Variants in ATP2B2 observed in about 807,000 individuals in gnomAD.
The protein encoded by ATP2B2 is plasma membrane calcium-transporting ATPase 2.
ATP2B2 carries 15 observed loss-of-function variants against 120.0 expected under a neutral mutation model. That is an observed-to-expected ratio of 0.12 (90% CI 0.08 to 0.19). The LOEUF (loss-of-function observed/expected upper bound fraction) is 0.19, where lower values mean the gene tolerates loss of function less well. Among genes scored for constraint, ATP2B2 ranks in the 10% least tolerant of loss-of-function variants. The probability of loss-of-function intolerance (pLI) is 1.00; values close to 1 mark genes in which losing one functional copy is unlikely to be tolerated. For missense variants in ATP2B2, 1,045 were observed against 1,719.8 expected, an observed-to-expected ratio of 0.61 and a Z score of 6.94; for synonymous variants, 694 against 700.3, an observed-to-expected ratio of 0.99 and a Z score of 0.14.
chr3:10,620,099 G>A (rs2069504826), intron 1 of ATP2B2: 2 of 152,294 alleles, frequency 1.3e-5, no homozygotes, highest in Admixed American at 6.5e-5. Flanking sequence ...AGAAACCAGA[G>A]GATTTCATGC....
At chr3:10,430,339 G>A (rs147010900) in intron 2 of ATP2B2, among the ~76,000 whole-genome samples, 60 of 152,266 alleles carry the variant, frequency 3.9e-4, no homozygotes, top group African/African-American at 1.4e-3. Flanking sequence ...TTCTGGAAAG[G>A]ATTCACCACT....
chr3:10,533,727 C>T (rs1167290054), intron 3 of ATP2B2, among the ~76,000 whole-genome samples: 1 of 152,220 alleles, frequency 6.6e-6, no homozygotes, highest in Non-Finnish European at 1.5e-5. Flanking sequence ...TCAGATCCGC[C>T]TGGGCTCCCC....
chr3:10,638,473 A>C (rs574455850), intron 1 of ATP2B2, among the ~76,000 whole-genome samples: 48 of 152,312 alleles, frequency 3.2e-4, no homozygotes, highest in African/African-American at 1.1e-3. Flanking sequence ...CAAAATACAG[A>C]ATTAGAGATA....
intron 1 of ATP2B2, among the ~76,000 whole-genome samples, chr3:10,675,657 C>G (rs1464386671): frequency 6.6e-6 from 1 of 152,182 alleles, no homozygotes; most frequent in Non-Finnish European, 1.5e-5. Flanking sequence ...CAACATTGCC[C>G]TGCTCACATC....
upstream of ATP2B2, among the ~76,000 whole-genome samples, chr3:10,507,741 C>T (rs578191687): frequency 2.4e-4 from 36 of 152,330 alleles, no homozygotes; most frequent in South Asian, 1.9e-3. Context: ...AGGCCACCTA[C>T]AAAACAGTAA....
In ATP2B2 at chr3:10,326,478, G is replaced by A. The variant is rs887017507; in HGVS notation, c.*2336C>T. 5 of 380,382 alleles carry A rather than the reference G, an allele frequency of 1.3e-5. No individual in the cohort carries two copies. Among genetic ancestry groups the A allele is most frequent in the African/African-American group, 4.1e-5 (2 of 48,268 alleles). The allele number at this position is 380,382 out of a possible 1,614,324, so 23.6% of individuals were successfully genotyped here. Reference sequence around the variant, plus strand: ...TCCTGATGTCATGGAACGAGGTCACGGACACATGACTGATCAAAGAAGTGG... The same window carrying A: ...TCCTGATGTCATGGAACGAGGTCACAGACACATGACTGATCAAAGAAGTGG... On this transcript the variant is annotated 3_prime_UTR_variant, in exon 23 of 23. Transcript: ENST00000360273.
chr3:10,692,094 G>A (rs2071673342), intron 1 of ATP2B2, among the ~76,000 whole-genome samples: 2 of 152,198 alleles, frequency 1.3e-5, no homozygotes, highest in Admixed American at 1.3e-4. Context: ...CAGAGAGAGA[G>A]AGAGAATTGA....
intron 22 of ATP2B2, chr3:10,332,103 G>A (rs1335379731): frequency 6.9e-7 from 1 of 1,440,058 alleles, no homozygotes; most frequent in Non-Finnish European, 9.5e-7. Flanking sequence ...CACAAAGCAA[G>A]CCATTTTCTC....
intron 2 of ATP2B2, among the ~76,000 whole-genome samples, chr3:10,616,926 A>T (rs911730398): frequency 1.3e-5 from 2 of 152,136 alleles, no homozygotes; most frequent in Non-Finnish European, 2.9e-5. Context: ...CTACCTATTT[A>T]AAAAAATACA....
Position 10,449,435 on chromosome 3 carries a change from G to T in ATP2B2, c.109C>A (p.Leu37Met). ...TMEELRSLME[L>M]RGTEAVVKIK... is the part of the protein sequence containing the mutation. The stretch of plus-strand genomic sequence containing the variant: ...TTGACCACAGCCTCAGTGCCCCGCA[G>T]CTCCATGAGGGAGCGGAGCTCCTCC... The change falls in exon 2 of 23, where the codon CTG becomes ATG. Residue 37 changes from leucine to methionine, a missense_variant. Physicochemically the swap from Leu to Met is conservative, Grantham distance 15. This residue lies in a region of ATP2B2 where 139 missense variants were observed against 134.2 expected (regional missense o/e 1.04). Coordinates refer to ENST00000360273, the MANE Select transcript of ATP2B2 (RefSeq NM_001001331.4). 6.2e-7 allele frequency: 1 copy of T among 1,614,246 alleles called. No individual in the cohort carries two copies. Among genetic ancestry groups the T allele is most frequent in the Middle Eastern group, 1.6e-4 (1 of 6,062 alleles).
chr3:10,607,412 A>G (rs2069115769), intron 2 of ATP2B2, among the ~76,000 whole-genome samples: 1 of 152,164 alleles, frequency 6.6e-6, no homozygotes, highest in Admixed American at 6.5e-5. Context: ...TCCTAAGCCA[A>G]GGTCTTTTCC....
chr3:10,593,513 G>T (rs2068693025), intron 2 of ATP2B2, among the ~76,000 whole-genome samples: 1 of 152,190 alleles, frequency 6.6e-6, no homozygotes, highest in South Asian at 2.1e-4. Flanking sequence ...CTAGCCATAT[G>T]TAGAAAGCTG....
intron 2 of ATP2B2, among the ~76,000 whole-genome samples, chr3:10,441,558 C>G (rs901878673): frequency 2.6e-5 from 4 of 152,190 alleles, no homozygotes; most frequent in Non-Finnish European, 5.9e-5. Context: ...CTGACATCCT[C>G]TGCCCCCTTG....
chr3:10,552,591 G>A (rs1329786620), intron 2 of ATP2B2, among the ~76,000 whole-genome samples: 3 of 152,338 alleles, frequency 2.0e-5, no homozygotes, highest in Middle Eastern at 3.4e-3. Context: ...CCTCAGCACT[G>A]CTTTTATGTT....
At chr3:10,456,308 C>T (rs529193508) in intron 1 of ATP2B2, among the ~76,000 whole-genome samples, 2 of 152,284 alleles carry the variant, frequency 1.3e-5, no homozygotes, top group Admixed American at 1.3e-4. Flanking sequence ...TTAAGTGCCA[C>T]CTTAATATGT....
chr3:10,691,293 C>T (rs2125714007), intron 1 of ATP2B2, among the ~76,000 whole-genome samples: 1 of 152,326 alleles, frequency 6.6e-6, no homozygotes, highest in East Asian at 1.9e-4. Flanking sequence ...TGGATCATAC[C>T]ATGAAGAAAG....
chr3:10,574,140 CTTCTGCT>C (rs1383108164), intron 2 of ATP2B2, among the ~76,000 whole-genome samples: 1 of 152,150 alleles, frequency 6.6e-6, no homozygotes, highest in East Asian at 1.9e-4. Context: ...TGGAAGTTAT[CTTCTGCT>C]TTCTGCTTTG....
intron 1 of ATP2B2, among the ~76,000 whole-genome samples, chr3:10,697,570 C>G (rs2071759106): frequency 1.3e-5 from 2 of 152,224 alleles, no homozygotes; most frequent in African/African-American, 2.4e-5. Context: ...CACGACATAC[C>G]TCTGCCCATC....
chr3:10,329,061 G>A lies in ATP2B2; in HGVS notation c.3485C>T (p.Thr1162Ile), dbSNP rs1337909479. 1.2e-6 allele frequency: 2 copies of A among 1,613,688 alleles called. No individual in the cohort carries two copies. Among genetic ancestry groups the A allele is most frequent in the Non-Finnish European group, 1.7e-6 (2 of 1,179,970 alleles). ...YEGLEKPESR[T>I]SIHNFMAHPE... Reference sequence around the variant, plus strand: ...ATGAGCCATGAAGTTATGGATGGAGGTTCGAGATTCAGGCTTTTCTAAACC... The same window carrying A: ...ATGAGCCATGAAGTTATGGATGGAGATTCGAGATTCAGGCTTTTCTAAACC... The change falls in exon 23 of 23, where the codon ACC (threonine) becomes ATC (isoleucine). Residue 1162 changes from threonine to isoleucine, a missense_variant. By Grantham distance (89) the Thr-to-Ile change is moderately conservative. Transcript: ENST00000360273. The surrounding 1 kb of genome is among the most constrained non-coding windows in gnomAD (Gnocchi z 5.9).
Sources: allele counts gnomAD v4.1 joint callset (sites outside exome capture counted in the v4.1 genomes callset), GRCh38; gene constraint gnomAD v4.1.1; regional missense constraint gnomAD v4.1.1; non-coding constraint Gnocchi (gnomAD v3.1); transcripts MANE v1.5; gene names NCBI Gene and HGNC (gene_info 2026-07-23, HGNC 2026-07-21).